The following SYT14 variants were observed in gnomAD, a reference collection of about 807,000 sequenced individuals.
The protein encoded by SYT14 is synaptotagmin-14.
In SYT14, 32 loss-of-function variants were observed where a neutral mutation model predicts 74.2. That is an observed-to-expected ratio of 0.43 (90% confidence interval 0.33 to 0.58). The LOEUF (loss-of-function observed/expected upper bound fraction) is 0.58, where lower values mean the gene tolerates loss of function less well. SYT14 is among the 20% of genes least tolerant of loss of function. The pLI, the probability that SYT14 is intolerant of heterozygous loss-of-function variation, is 0.05. For missense variants in SYT14, 791 were observed against 981.8 expected, an observed-to-expected ratio of 0.81 and a Z score of 2.60; for synonymous variants, 298 against 337.7, an observed-to-expected ratio of 0.88 and a Z score of 1.29.
chr1:210,161,281 C>T, exon 10 of SYT14: 2 of 633,228 alleles, frequency 3.2e-6, no homozygotes, highest in Non-Finnish European at 5.8e-6. Flanking sequence ...GCTAAACTAA[C>T]AGTCCTCCAG....
At chr1:210,077,515 C>T (rs999962649) in intron 5 of SYT14, among the ~76,000 whole-genome samples, 2 of 152,134 alleles carry the variant, frequency 1.3e-5, no homozygotes, top group Admixed American at 6.5e-5. Context: ...GTTCTTTCTA[C>T]CTTTTGGCTA....
rs775501291 is a variant in SYT14 at position 209,952,731 on chromosome 1, A to G, written c.-511A>G. ...TAGGTGGAGAGAGAACCTGTGGAGT[A>G]CATGAACTTATCTGTATTAGAAAAG... On this transcript the variant is annotated 5_prime_UTR_variant, in exon 2 of 10. Transcript: ENST00000637265. 1.4e-5 allele frequency: 23 copies of G among 1,610,870 alleles called. No homozygotes were observed. Among genetic ancestry groups the G allele is most frequent in the Middle Eastern group, 1.7e-4 (1 of 5,836 alleles).
intron 2 of SYT14, among the ~76,000 whole-genome samples, chr1:209,974,268 A>G (rs1267684489): frequency 6.6e-6 from 1 of 152,124 alleles, no homozygotes; most frequent in African/African-American, 2.4e-5. Flanking sequence ...TTGGTGTTTT[A>G]GACATGAAGT....
At chr1:210,087,833 C>G (rs1478530492) in intron 5 of SYT14, among the ~76,000 whole-genome samples, 1 of 152,148 alleles carries the variant, frequency 6.6e-6, no homozygotes, top group African/African-American at 2.4e-5. Flanking sequence ...GGCTCTGCAC[C>G]GCTGTGGCTT....
At chr1:210,132,148 T>C (rs1224346858) in intron 7 of SYT14, among the ~76,000 whole-genome samples, 1 of 148,464 alleles carries the variant, frequency 6.7e-6, no homozygotes, top group Non-Finnish European at 1.5e-5. Flanking sequence ...ATGAAATGTC[T>C]TCTTTACCCC....
chr1:210,106,929 T>A (rs2082169052), intron 7 of SYT14, among the ~76,000 whole-genome samples: 1 of 152,214 alleles, frequency 6.6e-6, no homozygotes, highest in African/African-American at 2.4e-5. Flanking sequence ...CTTCCACCTA[T>A]GAGCCTGTGA....
At chr1:210,079,916 G>T (rs1451637336) in intron 5 of SYT14, among the ~76,000 whole-genome samples, 1 of 152,074 alleles carries the variant, frequency 6.6e-6, no homozygotes, top group Non-Finnish European at 1.5e-5. Flanking sequence ...ATTTAATAGG[G>T]AATTATTTAT....
rs147278784 is a variant in SYT14, at chr1:210,103,341, G to A, written c.2034+2880G>A. ...CGAGGTGGGCAGATCATGAGGTCAG[G>A]AGATTGAGACCATCCTGGCTAACAC... On this transcript the variant is annotated intron_variant, in intron 7 of 9. Transcript: ENST00000637265. Among the ~76,000 whole-genome samples the A allele has an allele frequency of 0.015, 2,332 of 151,948 alleles. 185 individuals carry two copies. In the East Asian group the frequency reaches 0.25, roughly 16 times the overall value.
chr1:210,053,304 G>T (rs1402337035), intron 5 of SYT14, among the ~76,000 whole-genome samples: 1 of 152,146 alleles, frequency 6.6e-6, no homozygotes, highest in Non-Finnish European at 1.5e-5. Flanking sequence ...ACGTCTTTCT[G>T]CCAAGTTGAG....
chr1:210,118,074 T>C lies in SYT14; in HGVS notation c.2034+17613T>C, dbSNP rs75165736. Among the ~76,000 whole-genome samples the C allele has an allele frequency of 2.6e-4, 39 of 152,352 alleles. No individual in the cohort carries two copies. The East Asian group carries it at 7.5e-3, about 29-fold the overall frequency. ...TTATTTTAAGCAATTTATTTCTTCA[T>C]GATACCAACTTTAGTTGTTTGTAAT... On this transcript the variant is annotated intron_variant, in intron 7 of 9. Transcript: ENST00000637265.
intron 7 of SYT14, among the ~76,000 whole-genome samples, chr1:210,121,612 G>A (rs1274878749): frequency 6.6e-6 from 1 of 151,958 alleles, no homozygotes; most frequent in Non-Finnish European, 1.5e-5. Context: ...GGCTAACATG[G>A]TGAAACTCTG....
chr1:210,001,867 T>A (rs1449065207), intron 2 of SYT14, among the ~76,000 whole-genome samples: 1 of 152,110 alleles, frequency 6.6e-6, no homozygotes, highest in Non-Finnish European at 1.5e-5. Context: ...CAAGGCCGAC[T>A]GTGGAATGAA....
At chr1:210,087,323 A>T (rs996347836) in intron 5 of SYT14, among the ~76,000 whole-genome samples, 5 of 152,122 alleles carry the variant, frequency 3.3e-5, no homozygotes, top group African/African-American at 1.2e-4. Context: ...AGGCTCTGAT[A>T]TACTTCACCA....
chr1:210,063,958 A>G lies in SYT14; in HGVS notation c.1313-30364A>G, dbSNP rs540508431. On this transcript the variant is annotated intron_variant, in intron 5 of 9. Coordinates refer to ENST00000637265, the Ensembl canonical transcript of SYT14. ...TTTTAACACCCTCTTTCCGTTTCTT[A>G]TAAATCTCTTTAGAAGGCTAGCTGA... is the stretch of plus-strand genomic sequence containing the variant. Among the ~76,000 whole-genome samples the G allele has an allele frequency of 8.6e-5, 13 of 152,042 alleles. 2 individuals are homozygous for G. In the South Asian group the frequency reaches 2.7e-3, roughly 31 times the overall value.
chr1:209,975,292 A>T (rs942801357), intron 2 of SYT14, among the ~76,000 whole-genome samples: 1 of 152,204 alleles, frequency 6.6e-6, no homozygotes, highest in African/African-American at 2.4e-5. Flanking sequence ...GTCAGTTTTC[A>T]AAGGGAATGC....
At chr1:209,993,961 T>A (rs1371356226) in intron 2 of SYT14, among the ~76,000 whole-genome samples, 1 of 152,208 alleles carries the variant, frequency 6.6e-6, no homozygotes, top group African/African-American at 2.4e-5. Flanking sequence ...CCTAAAGATG[T>A]TGTACGGAGC....
intron 5 of SYT14, among the ~76,000 whole-genome samples, chr1:210,092,922 G>A (rs901775712): frequency 6.6e-6 from 1 of 152,152 alleles, no homozygotes; most frequent in Non-Finnish European, 1.5e-5. Flanking sequence ...ACATAGAGAT[G>A]ATTTAAAGTA....
At chr1:210,133,824 G>A (rs1226900178) in intron 7 of SYT14, among the ~76,000 whole-genome samples, 1 of 146,152 alleles carries the variant, frequency 6.8e-6, no homozygotes, top group Non-Finnish European at 1.5e-5. Context: ...AGTCACAGCT[G>A]ATTATCTTAT....
At chr1:210,085,480 C>T (rs2081707723) in intron 5 of SYT14, among the ~76,000 whole-genome samples, 2 of 152,150 alleles carry the variant, frequency 1.3e-5, no homozygotes, top group Non-Finnish European at 2.9e-5. Flanking sequence ...AACATTTCAC[C>T]ATTAAATACG....
Sources: allele counts gnomAD v4.1 joint callset (sites outside exome capture counted in the v4.1 genomes callset), GRCh38; gene constraint gnomAD v4.1.1; transcripts MANE v1.5; gene names NCBI Gene and HGNC (gene_info 2026-07-23, HGNC 2026-07-21).